GRM8: variants seen among roughly 807,000 people sequenced by gnomAD.
GRM8 encodes metabotropic glutamate receptor 8.
A neutral mutation model predicts 87.2 loss-of-function variants in GRM8; 47 were observed. The observed-to-expected ratio is 0.54, with a 90% CI of 0.43 to 0.69. The LOEUF is 0.69. Ranked by LOEUF, GRM8 falls within the 30% of genes least tolerant of loss-of-function variation. The pLI is 0.00. For synonymous variants in GRM8, 396 were observed against 404.5 expected (o/e 0.98, Z 0.25); for missense variants, 1,019 against 1,139.2 (o/e 0.89, Z 1.52).
At position 127,117,069 on chromosome 7, in the gene GRM8, A is replaced by G. The variant is rs140267583; in HGVS notation, c.511-10357T>C. On this transcript the variant is annotated intron_variant, in intron 2 of 10. Transcript: ENST00000339582. ...GACACTAAGAAGCAACTTTAAGTCAAGAGTCCAGAAAAAAAATAAATGTAT... is the reference window on the plus strand; with the variant it reads ...GACACTAAGAAGCAACTTTAAGTCAGGAGTCCAGAAAAAAAATAAATGTAT... Among the ~76,000 whole-genome samples the G allele has an allele frequency of 1.2e-4, 18 of 152,338 alleles. 1 individual carries two copies. The highest frequency in any genetic ancestry group is 2.2e-4 in the Non-Finnish European group (15 of 68,030).
In GRM8 at chr7:127,015,176, GAGAAGAAGA is replaced by G. The variant is rs778849282; in HGVS notation, c.727+91311_727+91319del. On this transcript the variant is annotated intron_variant, in intron 3 of 10. Transcript: ENST00000339582. ...GAAGAAGGAGAAGGAGAAGGAGAAG[GAGAAGAAGA>G]AGAAGAAGAAGAAGAAGAAGAAGAA... is the stretch of plus-strand genomic sequence containing the variant. Among the ~76,000 whole-genome samples the G allele has an allele frequency of 6.4e-3, 553 of 86,676 alleles. 2 individuals carry two copies. Among genetic ancestry groups the G allele is most frequent in the Admixed American group, 0.01 (70 of 6,784 alleles). The allele number at this position is 86,676 out of a possible 152,430, so 56.9% of individuals were successfully genotyped here.
intron 3 of GRM8, among the ~76,000 whole-genome samples, chr7:126,941,833 T>TA (rs1031177763): frequency 2.6e-5 from 4 of 152,266 alleles, no homozygotes; most frequent in East Asian, 1.9e-4. Context: ...ACATTTCTTT[T>TA]AAAAAAATCT....
rs1251601184 is a variant in GRM8, at chr7:127,021,342, AT to A, written c.727+85153del. 3.3e-5 allele frequency among the ~76,000 whole-genome samples: 5 copies of A among 151,594 alleles called. 1 individual carries two copies. The East Asian group carries it at 9.8e-4, about 30-fold the overall frequency. On this transcript the variant is annotated intron_variant, in intron 3 of 10. Coordinates refer to ENST00000339582, the MANE Select transcript of GRM8 (RefSeq NM_000845.3). ...AGCCAGAAAGGTACTGCAGAGGGAA[AT>A]TTTTTTTAAAGAAATCAACTTCTCA...
chr7:126,639,356 TTTA>T (rs1163886534), intron 7 of GRM8, among the ~76,000 whole-genome samples: 2 of 152,120 alleles, frequency 1.3e-5, no homozygotes, highest in Admixed American at 1.3e-4. Flanking sequence ...TTAACAACCA[TTTA>T]TTAAATTTAT....
chr7:126,492,843 T>C (rs1808188947), intron 9 of GRM8, among the ~76,000 whole-genome samples: 2 of 152,004 alleles, frequency 1.3e-5, no homozygotes, highest in South Asian at 4.1e-4. Context: ...ATCAAAATGG[T>C]AACATAAGCA....
intron 6 of GRM8, among the ~76,000 whole-genome samples, chr7:126,773,046 A>G (rs1313029561): frequency 6.6e-6 from 1 of 152,088 alleles, no homozygotes; most frequent in African/African-American, 2.4e-5. Flanking sequence ...CAGTAGGAAG[A>G]AAAAGATACA....
intron 3 of GRM8, among the ~76,000 whole-genome samples, chr7:126,985,563 C>A (rs1811973032): frequency 6.6e-6 from 1 of 152,090 alleles, no homozygotes; most frequent in South Asian, 2.1e-4. Context: ...TTATTTCTTA[C>A]AGTTATGGAG....
Position 126,533,282 on chromosome 7 carries a change from G to A in GRM8, c.2100C>T (p.Phe700=). The stretch of plus-strand genomic sequence containing the variant: ...CAAGGAGCTGGACGGAGATGAGGCT[G>A]AAGGTGATCACCAGCTGAGATGCTG... The part of the protein sequence containing the change: ...ISPASQLVIT[F]SLISVQLLGV... The change falls in exon 9 of 11, where the codon TTC becomes TTT. Residue 700 remains phenylalanine (F), a synonymous_variant. Transcript: ENST00000339582. 1 of 1,613,746 alleles carries A rather than the reference G, an allele frequency of 6.2e-7. No individual in the cohort carries two copies. The highest frequency in any genetic ancestry group is 8.5e-7 in the Non-Finnish European group (1 of 1,179,914).
chr7:126,782,487 G>T (rs1442352793), intron 6 of GRM8, among the ~76,000 whole-genome samples: 1 of 152,164 alleles, frequency 6.6e-6, no homozygotes, highest in Non-Finnish European at 1.5e-5. Flanking sequence ...GAATGAGTTT[G>T]CCCATGAGGA....
intron 2 of GRM8, among the ~76,000 whole-genome samples, chr7:127,211,126 C>T (rs1796188725): frequency 6.6e-6 from 1 of 152,156 alleles, no homozygotes; most frequent in Admixed American, 6.5e-5. Flanking sequence ...GGAGTATTGA[C>T]TCATTCAACC....
chr7:126,792,152 G>A (rs1451937798), intron 6 of GRM8, among the ~76,000 whole-genome samples: 2 of 152,216 alleles, frequency 1.3e-5, no homozygotes, highest in Non-Finnish European at 2.9e-5. Context: ...GAAGAGGTCA[G>A]CAAGAGGATC....
chr7:126,998,022 T>G (rs555684158), intron 3 of GRM8, among the ~76,000 whole-genome samples: 1 of 151,778 alleles, frequency 6.6e-6, no homozygotes, highest in South Asian at 2.1e-4. Context: ...GATAGAAAAA[T>G]CCTCACAAAA....
At chr7:126,974,927 C>T (rs1810806869) in intron 3 of GRM8, among the ~76,000 whole-genome samples, 1 of 102,884 alleles carries the variant, frequency 9.7e-6, no homozygotes, top group African/African-American at 4.0e-5. Flanking sequence ...CAGAGCGAGA[C>T]TCTTGTCTCA....
rs756799608 is a variant in GRM8 at position 126,997,424 on chromosome 7, A to T, written c.728-92741T>A. Reference sequence around the variant, plus strand: ...ACCAAACCCCAAATTATTAGAAGAAAAAAATAAACATCAGAGCAGAAATAA... The same window carrying T: ...ACCAAACCCCAAATTATTAGAAGAATAAAATAAACATCAGAGCAGAAATAA... On this transcript the variant is annotated intron_variant, in intron 3 of 10. Coordinates refer to ENST00000339582, the MANE Select transcript of GRM8 (RefSeq NM_000845.3). Among the ~76,000 whole-genome samples the T allele has an allele frequency of 9.2e-5, 14 of 151,798 alleles. 1 individual carries two copies. The highest frequency in any genetic ancestry group is 1.8e-4 in the Non-Finnish European group (12 of 67,828).
chr7:126,975,630 T>C (rs769986247), intron 3 of GRM8, among the ~76,000 whole-genome samples: 18 of 152,168 alleles, frequency 1.2e-4, no homozygotes, highest in Non-Finnish European at 2.2e-4. Flanking sequence ...CTCCTGCCCA[T>C]AGGAAATGCA....
intron 3 of GRM8, among the ~76,000 whole-genome samples, chr7:127,068,957 A>G (rs560022830): frequency 6.6e-6 from 1 of 152,300 alleles, no homozygotes; most frequent in South Asian, 2.1e-4. Context: ...AAACACTGAC[A>G]TAAAGAGAGG....
intron 8 of GRM8, among the ~76,000 whole-genome samples, chr7:126,581,447 C>A (rs1158039136): frequency 2.0e-5 from 3 of 152,020 alleles, no homozygotes. Flanking sequence ...TTGTGAAGAC[C>A]TGATAAAGAG....
At chr7:127,154,933 T>C (rs1459410986) in intron 2 of GRM8, among the ~76,000 whole-genome samples, 1 of 152,288 alleles carries the variant, frequency 6.6e-6, no homozygotes, top group African/African-American at 2.4e-5. Context: ...ATGCGGGTTA[T>C]GGAAATAAGA....
chr7:126,946,072 G>A (rs1807501552), intron 3 of GRM8, among the ~76,000 whole-genome samples: 1 of 152,134 alleles, frequency 6.6e-6, no homozygotes, highest in South Asian at 2.1e-4. Context: ...TCTGATTCTG[G>A]CTGGCCCTGT....
Sources: gnomAD v4.1 joint callset for allele counts (sites outside exome capture counted in the v4.1 genomes callset) on GRCh38, gnomAD v4.1.1 for gene constraint, MANE v1.5 for transcripts, NCBI Gene and HGNC (gene_info 2026-07-23, HGNC 2026-07-21) for gene names.